SH3GL2: variants seen among roughly 807,000 people sequenced by gnomAD.
SH3GL2 encodes SH3 domain containing GRB2 like 2, endophilin A1.
Under a neutral mutation model 46.0 loss-of-function variants are expected in SH3GL2, and 24 were observed. The observed-to-expected ratio is 0.52, with a 90% CI of 0.38 to 0.73. The LOEUF (loss-of-function observed/expected upper bound fraction) is 0.73, where lower values mean the gene tolerates loss of function less well. SH3GL2 is among the 30% of genes least tolerant of loss of function. The pLI, the probability that SH3GL2 is intolerant of heterozygous loss-of-function variation, is 0.00. For missense variants in SH3GL2, 413 were observed against 424.2 expected (o/e 0.97, Z 0.23); for synonymous variants, 196 against 147.1 (o/e 1.33, Z -2.40).
intron 1 of SH3GL2, among the ~76,000 whole-genome samples, chr9:17,626,649 A>C (rs1588184742): frequency 6.6e-6 from 1 of 151,970 alleles, no homozygotes; most frequent in Admixed American, 6.6e-5. Context: ...GGATCTGTGG[A>C]CTCCCTGAAA....
chr9:17,665,296 G>A (rs1296045630), intron 1 of SH3GL2, among the ~76,000 whole-genome samples: 2 of 152,066 alleles, frequency 1.3e-5, no homozygotes, highest in African/African-American at 4.8e-5. Flanking sequence ...AATAACTTTT[G>A]TAGCATTTCT....
intron 1 of SH3GL2, among the ~76,000 whole-genome samples, chr9:17,604,977 AT>A (rs138726944): frequency 0.011 from 1,478 of 137,424 alleles, 21 homozygotes; most frequent in African/African-American, 0.032. Flanking sequence ...TTCACAAGTC[AT>A]TTTTTTTTTT....
At chr9:17,630,111 G>A (rs1420163340) in intron 1 of SH3GL2, among the ~76,000 whole-genome samples, 1 of 152,112 alleles carries the variant, frequency 6.6e-6, no homozygotes, top group Admixed American at 6.5e-5. Flanking sequence ...CAGGGTTATA[G>A]CTTTGTTCAT....
At chr9:17,702,456 C>T (rs1037474302) in intron 1 of SH3GL2, among the ~76,000 whole-genome samples, 5 of 151,216 alleles carry the variant, frequency 3.3e-5, no homozygotes, top group Non-Finnish European at 1.5e-5. Context: ...AAAAAAAACA[C>T]CCATGAGCTG....
chr9:17,769,526 G>A (rs1024641556), intron 3 of SH3GL2, among the ~76,000 whole-genome samples: 7 of 151,850 alleles, frequency 4.6e-5, no homozygotes, highest in South Asian at 2.1e-4. Flanking sequence ...TTCCTGCCTC[G>A]GGGTCTTTGC....
intron 1 of SH3GL2, among the ~76,000 whole-genome samples, chr9:17,681,602 A>C (rs949393585): frequency 1.3e-5 from 2 of 151,368 alleles, no homozygotes; most frequent in Non-Finnish European, 2.9e-5. Context: ...TGAAAAACCT[A>C]GAAGAAAACC....
At chr9:17,622,384 TTC>T in intron 1 of SH3GL2, among the ~76,000 whole-genome samples, 1 of 152,238 alleles carries the variant, frequency 6.6e-6, no homozygotes, top group African/African-American at 2.4e-5. Context: ...GGGGAATAAT[TTC>T]AGTAGCATTC....
At chr9:17,709,296 A>G (rs1236203872) in intron 1 of SH3GL2, among the ~76,000 whole-genome samples, 1 of 152,062 alleles carries the variant, frequency 6.6e-6, no homozygotes, top group Admixed American at 6.6e-5. Context: ...TAGACCACTC[A>G]TGAATAGAAA....
In SH3GL2 at chr9:17,666,545, C is replaced by CGTGTGTGTGT. The variant is rs71331502; in HGVS notation, c.46-80496_46-80487dup. Among the ~76,000 whole-genome samples the CGTGTGTGTGT allele has an allele frequency of 1.1e-3, 162 of 142,140 alleles. 2 individuals are homozygous for CGTGTGTGTGT. Among genetic ancestry groups the CGTGTGTGTGT allele is most frequent in the South Asian group, 2.3e-3 (10 of 4,282 alleles). 93.2% of individuals were successfully genotyped at this position (142,140 alleles called of 152,430 possible). ...CCCACTCTTTCATACACAAAGGTAA[C>CGTGTGTGTGT]GTGTGTGTGTGTGTGTGTGTGTGTG... On this transcript the variant is annotated intron_variant, in intron 1 of 8. Coordinates refer to ENST00000380607, the MANE Select transcript of SH3GL2 (RefSeq NM_003026.5).
intron 3 of SH3GL2, among the ~76,000 whole-genome samples, chr9:17,766,417 A>T (rs1563845586): frequency 6.6e-6 from 1 of 152,238 alleles, no homozygotes; most frequent in Non-Finnish European, 1.5e-5. Flanking sequence ...GCCTATTCTT[A>T]CGATATTTGT....
At chr9:17,722,243 A>T (rs1821913401) in intron 1 of SH3GL2, among the ~76,000 whole-genome samples, 1 of 152,076 alleles carries the variant, frequency 6.6e-6, no homozygotes, top group African/African-American at 2.4e-5. Flanking sequence ...GAAGGTAAAT[A>T]TGATTATGAA....
chr9:17,762,399 C>CAAAAA (rs373498696), intron 3 of SH3GL2, among the ~76,000 whole-genome samples: 2 of 44,744 alleles, frequency 4.5e-5, no homozygotes, highest in African/African-American at 6.8e-5. Context: ...GACAAGTGAT[C>CAAAAA]AAAAAAAAAA....
chr9:17,772,277 A>G (rs915578702), intron 3 of SH3GL2, among the ~76,000 whole-genome samples: 1 of 152,214 alleles, frequency 6.6e-6, no homozygotes, highest in African/African-American at 2.4e-5. Flanking sequence ...TGTAATCTCT[A>G]TATTAGACTT....
At chr9:17,692,804 T>TA (rs894740821) in intron 1 of SH3GL2, among the ~76,000 whole-genome samples, 1 of 152,164 alleles carries the variant, frequency 6.6e-6, no homozygotes, top group East Asian at 1.9e-4. Context: ...TAATTGGACT[T>TA]ACGGTTCCAC....
At chr9:17,764,410 C>G (rs1266971063) in intron 3 of SH3GL2, among the ~76,000 whole-genome samples, 1 of 152,204 alleles carries the variant, frequency 6.6e-6, no homozygotes, top group African/African-American at 2.4e-5. Flanking sequence ...AGAGACAGTC[C>G]TTGGGCACAG....
intron 1 of SH3GL2, among the ~76,000 whole-genome samples, chr9:17,591,656 G>A (rs1818483567): frequency 6.6e-6 from 1 of 152,174 alleles, no homozygotes; most frequent in African/African-American, 2.4e-5. Flanking sequence ...GGTTGTTTGT[G>A]AAGGAATGTT....
intron 1 of SH3GL2, among the ~76,000 whole-genome samples, chr9:17,603,800 T>C (rs4961576): frequency 0.66 from 100,254 of 151,952 alleles, 35,928 homozygotes; most frequent in Non-Finnish European, 0.79. Flanking sequence ...GCGGAGGTTG[T>C]GGTGTGGTGA....
chr9:17,761,350 C>A (rs1823166025), intron 2 of SH3GL2, 87 bp from the exon 3 acceptor site: 3 of 831,548 alleles, frequency 3.6e-6, no homozygotes, highest in South Asian at 1.4e-5. Flanking sequence ...TGTTGCATAC[C>A]CCGCCATTGT....
chr9:17,713,970 G>A (rs1054950292), intron 1 of SH3GL2, among the ~76,000 whole-genome samples: 3 of 151,610 alleles, frequency 2.0e-5, no homozygotes, highest in Non-Finnish European at 3.0e-5. Context: ...ATTGAGAAAA[G>A]GGTACTGAAA....
Sources: gnomAD v4.1 joint callset for allele counts (sites outside exome capture counted in the v4.1 genomes callset) on GRCh38, gnomAD v4.1.1 for gene constraint, MANE v1.5 for transcripts, NCBI Gene and HGNC (gene_info 2026-07-23, HGNC 2026-07-21) for gene names.